Variants in MRTO4 observed in about 807,000 individuals in gnomAD.
The protein encoded by MRTO4 is mRNA turnover protein 4 homolog.
Under a neutral mutation model 28.6 loss-of-function variants are expected in MRTO4, and 7 were observed. The ratio of observed to expected loss-of-function variants is 0.24; its 90% CI spans 0.14 to 0.46. MRTO4 has a LOEUF of 0.46. MRTO4 is among the 20% of genes least tolerant of loss of function. The probability of loss-of-function intolerance (pLI) is 0.99; values close to 1 mark genes in which losing one functional copy is unlikely to be tolerated. For missense variants in MRTO4, 302 were observed against 298.3 expected (o/e 1.01, Z -0.09); for synonymous variants, 113 against 108.2 (o/e 1.04, Z -0.27).
intron 2 of MRTO4, among the ~76,000 whole-genome samples, chr1:19,255,344 A>G (rs539456396): frequency 4.0e-4 from 61 of 152,202 alleles, no homozygotes; most frequent in Non-Finnish European, 7.5e-4. Flanking sequence ...AAGAAAAGAA[A>G]AAAAAACTAG....
At chr1:19,258,384 G>T in intron 6 of MRTO4, 93 bp from the exon 7 acceptor site, 1 of 1,478,586 alleles carries the variant, frequency 6.8e-7, no homozygotes, top group Non-Finnish European at 9.4e-7. Context: ...GGGAGGGCAG[G>T]TGGCTGACTG....
intron 2 of MRTO4, among the ~76,000 whole-genome samples, chr1:19,255,468 TAC>T (rs923131564): frequency 6.6e-6 from 1 of 150,826 alleles, no homozygotes; most frequent in African/African-American, 2.4e-5. Context: ...CCACTGTCTG[TAC>T]AGCTTCTGAC....
chr1:19,257,232 G>A lies in MRTO4; in HGVS notation c.273+87G>A, dbSNP rs1180290362. 9.7e-6 allele frequency: 14 copies of A among 1,436,680 alleles called. No individual in the cohort carries two copies. The East Asian group carries it at 1.4e-4, about 14-fold the overall frequency. 89.0% of individuals were successfully genotyped at this position (1,436,680 alleles called of 1,614,324 possible). A position where few individuals can be genotyped will look rare whatever the true frequency, so the allele number is the denominator to read the frequency against. On this transcript the variant is annotated intron_variant, in intron 4 of 7. Transcript: ENST00000330263. ...CATGTGACAGCCTCCCCCAGCCATT[G>A]GCAGGCCGGAGGCTCAGGGAGAGCA... is the stretch of plus-strand genomic sequence containing the variant.
intron 3 of MRTO4, 43 bp downstream of exon 3, chr1:19,256,094 G>A (rs534958814): frequency 2.3e-5 from 36 of 1,562,468 alleles, no homozygotes; most frequent in Admixed American, 2.0e-4. Context: ...GTGGGGACCC[G>A]GCCAGGCTGC....
Position 19,257,046 on chromosome 1 carries a change from CTT to C in MRTO4, c.192-16_192-15del. The C allele has an allele frequency of 6.2e-7, 1 of 1,613,092 alleles. No homozygotes were observed. The highest frequency in any genetic ancestry group is 1.1e-5 in the South Asian group (1 of 90,974). ...CAGGGCTCTTCCTTCACAGAATGCTCTTTCTCTTGCTTGGTAGGATGTTCTTT... is the reference window on the plus strand; with the variant it reads ...CAGGGCTCTTCCTTCACAGAATGCTCTCTCTTGCTTGGTAGGATGTTCTTT... On this transcript the variant is annotated splice_polypyrimidine_tract_variant and intron_variant, in intron 3 of 7. Coordinates refer to ENST00000330263, the MANE Select transcript of MRTO4 (RefSeq NM_016183.4).
intron 1 of MRTO4, among the ~76,000 whole-genome samples, chr1:19,254,349 A>G (rs937438651): frequency 6.6e-6 from 1 of 151,970 alleles, no homozygotes; most frequent in African/African-American, 2.4e-5. Flanking sequence ...GTGAGCCCAG[A>G]TCGTGCCATT....
Position 19,256,025 on chromosome 1 carries a change from C to T in MRTO4, c.165C>T (p.Asp55=), listed in dbSNP as rs760951977. Residue 55 remains aspartate, a synonymous_variant, in exon 3 of 8, where the codon GAC becomes GAT. Transcript: ENST00000330263. ...VANMRNSKLK[D]IRNAWKHSRM... ...ACATGAGGAACAGCAAGCTGAAGGA[C>T]ATCCGGAACGCCTGGAAGCACAGCC... 1 of 1,614,026 alleles carries T rather than the reference C, an allele frequency of 6.2e-7. No individual in the cohort carries two copies. Among genetic ancestry groups the T allele is most frequent in the African/African-American group, 1.3e-5 (1 of 74,910 alleles).
At chr1:19,253,450 T>C (rs1322094531) in intron 1 of MRTO4, among the ~76,000 whole-genome samples, 1 of 152,192 alleles carries the variant, frequency 6.6e-6, no homozygotes, top group Non-Finnish European at 1.5e-5. Flanking sequence ...TGGCAAGGCA[T>C]TGGCTTTCCT....
At chr1:19,255,761 G>A (rs1170052839) in intron 2 of MRTO4, among the ~76,000 whole-genome samples, 187 bp from the exon 3 acceptor site, 1 of 151,316 alleles carries the variant, frequency 6.6e-6, no homozygotes, top group African/African-American at 2.4e-5. Flanking sequence ...CCATGGCTCA[G>A]CCTCCCCTGT....
intron 4 of MRTO4, 78 bp downstream of exon 4, chr1:19,257,223 C>T: frequency 6.7e-7 from 1 of 1,488,244 alleles, no homozygotes; most frequent in Non-Finnish European, 9.3e-7. Flanking sequence ...ACAGCCTCCC[C>T]CAGCCATTGG....
At chr1:19,254,332 A>G (rs947530) in intron 1 of MRTO4, among the ~76,000 whole-genome samples, 43,638 of 151,918 alleles carry the variant, frequency 0.29, 7,206 homozygotes, top group African/African-American at 0.46. Flanking sequence ...AGGAGCTCAA[A>G]GTTGCAGTGA....
chr1:19,252,020 G>C, intron 1 of MRTO4, 157 bp downstream of exon 1: 3 of 1,143,420 alleles, frequency 2.6e-6, no homozygotes, highest in Non-Finnish European at 2.4e-6. Flanking sequence ...GGGGCTTCGG[G>C]GCTGTAAAAC....
Position 19,252,277 on chromosome 1 carries a change from C to T in MRTO4, c.28+414C>T, listed in dbSNP as rs969943094. 2.5e-5 allele frequency: 6 copies of T among 239,068 alleles called. No individual in the cohort carries two copies. In the East Asian group the frequency reaches 6.5e-4, roughly 26 times the overall value. The allele number at this position is 239,068 out of a possible 1,614,324, so 14.8% of individuals were successfully genotyped here. A position where few individuals can be genotyped will look rare whatever the true frequency, so the allele number is the denominator to read the frequency against. On this transcript the variant is annotated intron_variant, in intron 1 of 7. Coordinates refer to ENST00000330263, the MANE Select transcript of MRTO4 (RefSeq NM_016183.4). ...TGTTCCCGTGTCTGGCGTTGTGTGTCTGCGGTTGTTTCTGCCTGGCATGCT... is the reference window on the plus strand; with the variant it reads ...TGTTCCCGTGTCTGGCGTTGTGTGTTTGCGGTTGTTTCTGCCTGGCATGCT...
chr1:19,255,249 T>G (rs1167336585), intron 2 of MRTO4, among the ~76,000 whole-genome samples: 8 of 152,018 alleles, frequency 5.3e-5, no homozygotes, highest in Non-Finnish European at 1.2e-4. Context: ...ATCCCAGCAC[T>G]TTGGGAGGCC....
intron 1 of MRTO4, 39 bp downstream of exon 1, chr1:19,251,902 G>A (rs1313168551): frequency 6.3e-7 from 1 of 1,577,636 alleles, no homozygotes; most frequent in Non-Finnish European, 8.6e-7. Flanking sequence ...GGGGAGCTCC[G>A]TGGGCTGGCT....
chr1:19,257,716 C>G lies in MRTO4; in HGVS notation c.342-117C>G, dbSNP rs1006223203. 8 of 1,446,950 alleles carry G rather than the reference C, an allele frequency of 5.5e-6. No individual in the cohort carries two copies. The Admixed American group carries it at 1.5e-4, about 27-fold the overall frequency. 89.6% of individuals were successfully genotyped at this position (1,446,950 alleles called of 1,614,324 possible). On this transcript the variant is annotated intron_variant, in intron 5 of 7. Transcript: ENST00000330263. ...GTGCTCTGGGCTGGCTGCTGGCCAG[C>G]AGCCAAGGTCTGTGATGGGGGAAGG... is the stretch of plus-strand genomic sequence containing the variant.
chr1:19,258,622 C>G, intron 7 of MRTO4, 59 bp from the exon 8 acceptor site: 1 of 1,614,008 alleles, frequency 6.2e-7, no homozygotes, highest in Non-Finnish European at 8.5e-7. Context: ...TGAAAATGCC[C>G]CCCTGCACTT....
Position 19,252,525 on chromosome 1 carries a change from C to T in MRTO4, c.28+662C>T, listed in dbSNP as rs1245319545. Among the ~76,000 whole-genome samples the T allele has an allele frequency of 2.0e-5, 3 of 152,132 alleles. No homozygotes were observed. The South Asian group carries it at 6.2e-4, about 32-fold the overall frequency. ...CCAGCCTGGCCAATATGGTGAAACC[C>T]CTTTTCTACTAAAAATACTAAAAAT... On this transcript the variant is annotated intron_variant, in intron 1 of 7. Transcript: ENST00000330263.
Position 19,258,116 on chromosome 1 carries a change from G to C in MRTO4, c.493+132G>C, listed in dbSNP as rs147399848. On this transcript the variant is annotated intron_variant, in intron 6 of 7. Transcript: ENST00000330263. ...TTCTCATGAGAAAATGGGGCTAAGAGTGCATGCCTCACAGTGGGGGTGAAA... is the reference window on the plus strand; with the variant it reads ...TTCTCATGAGAAAATGGGGCTAAGACTGCATGCCTCACAGTGGGGGTGAAA... The C allele has an allele frequency of 3.3e-3, 4,084 of 1,228,314 alleles. 9 individuals carry two copies. Among genetic ancestry groups the C allele is most frequent in the Admixed American group, 4.9e-3 (173 of 35,394 alleles). The allele number at this position is 1,228,314 out of a possible 1,614,324, so 76.1% of individuals were successfully genotyped here.
Sources: allele counts gnomAD v4.1 joint callset (sites outside exome capture counted in the v4.1 genomes callset), GRCh38; gene constraint gnomAD v4.1.1; transcripts MANE v1.5; gene names NCBI Gene and HGNC (gene_info 2026-07-23, HGNC 2026-07-21).